The following FRMD4B variants were observed in gnomAD, a reference collection of about 807,000 sequenced individuals.
The protein encoded by FRMD4B is FERM domain containing 4B.
FRMD4B carries 74 observed loss-of-function variants against 141.5 expected under a neutral mutation model. The observed-to-expected ratio is 0.52, with a 90% CI of 0.43 to 0.63. The LOEUF (loss-of-function observed/expected upper bound fraction) is 0.63. FRMD4B is among the 30% of genes least tolerant of loss of function. The probability of loss-of-function intolerance (pLI) is 0.00; values close to 1 mark genes in which losing one functional copy is unlikely to be tolerated. For missense variants in FRMD4B, 1,366 were observed against 1,253.4 expected, an observed-to-expected ratio of 1.09 and a Z score of -1.36; for synonymous variants, 506 against 467.9, an observed-to-expected ratio of 1.08 and a Z score of -1.05.
chr3:69,514,388 G>GA (rs896253200), intron 1 of FRMD4B, among the ~76,000 whole-genome samples: 12 of 150,860 alleles, frequency 8.0e-5, no homozygotes, highest in South Asian at 2.1e-4. Flanking sequence ...AAACATTGCT[G>GA]AAAAAAAAAT....
At chr3:69,479,511 C>A (rs760130315) in intron 1 of FRMD4B, among the ~76,000 whole-genome samples, 2 of 152,118 alleles carry the variant, frequency 1.3e-5, no homozygotes, top group Admixed American at 1.3e-4. Flanking sequence ...AAATTCTTTT[C>A]TTTAATAATG....
At chr3:69,396,887 G>C (rs180685502) in intron 2 of FRMD4B, among the ~76,000 whole-genome samples, 1 of 152,128 alleles carries the variant, frequency 6.6e-6, no homozygotes, top group Non-Finnish European at 1.5e-5. Flanking sequence ...AAATGTTCAC[G>C]GTAGCATTAT....
At chr3:69,485,070 A>G (rs1344800878) in intron 1 of FRMD4B, among the ~76,000 whole-genome samples, 1 of 152,148 alleles carries the variant, frequency 6.6e-6, no homozygotes, top group Non-Finnish European at 1.5e-5. Flanking sequence ...CCTGCAGGCC[A>G]GCTCCCAGCT....
At chr3:69,245,106 C>A (rs967353755) in intron 7 of FRMD4B, among the ~76,000 whole-genome samples, 3 of 152,248 alleles carry the variant, frequency 2.0e-5, no homozygotes, top group African/African-American at 7.2e-5. Flanking sequence ...TTCATTTAAT[C>A]CTCACAGCAA....
chr3:69,443,447 G>C (rs1314221601), intron 1 of FRMD4B, among the ~76,000 whole-genome samples: 1 of 152,032 alleles, frequency 6.6e-6, no homozygotes, highest in Non-Finnish European at 1.5e-5. Context: ...GTGTTTCTCT[G>C]AGTTCTATGA....
At chr3:69,249,946 C>T in intron 6 of FRMD4B, 97 bp downstream of exon 6, 1 of 798,822 alleles carries the variant, frequency 1.3e-6, no homozygotes, top group Non-Finnish European at 2.2e-6. Context: ...AAAAATCCAA[C>T]AAACACTGGC....
chr3:69,244,007 T>C (rs2093406769), intron 7 of FRMD4B, among the ~76,000 whole-genome samples: 1 of 152,124 alleles, frequency 6.6e-6, no homozygotes, highest in Admixed American at 6.6e-5. Flanking sequence ...CTCACACCAC[T>C]GCACTCTAGC....
chr3:69,306,559 G>A (rs1449052388), intron 3 of FRMD4B: 1 of 152,206 alleles, frequency 6.6e-6, no homozygotes, highest in Non-Finnish European at 1.5e-5. Context: ...CCCTCTAGGG[G>A]TGAAAGACTA....
At chr3:69,301,457 T>G (rs1277637081) in intron 4 of FRMD4B, among the ~76,000 whole-genome samples, 1 of 152,186 alleles carries the variant, frequency 6.6e-6, no homozygotes, top group Admixed American at 6.5e-5. Flanking sequence ...CATGAGTAGC[T>G]GGCATTACAG....
chr3:69,335,822 AG>A (rs1224375222), intron 1 of FRMD4B, among the ~76,000 whole-genome samples: 2 of 150,168 alleles, frequency 1.3e-5, no homozygotes, highest in African/African-American at 2.5e-5. Flanking sequence ...TCCTAAGTTC[AG>A]GTGATTCTCC....
chr3:69,312,452 C>G (rs1386728612), intron 2 of FRMD4B, among the ~76,000 whole-genome samples: 1 of 152,222 alleles, frequency 6.6e-6, no homozygotes, highest in African/African-American at 2.4e-5. Flanking sequence ...GGGCTAGGGA[C>G]AGGCCTCAGA....
At chr3:69,331,464 A>C (rs6785719) in intron 1 of FRMD4B, among the ~76,000 whole-genome samples, 8,206 of 152,176 alleles carry the variant, frequency 0.054, 769 homozygotes, top group African/African-American at 0.19. Context: ...GCTGCTGTAA[A>C]ATGGAGATAA....
At chr3:69,439,737 C>T (rs1185582630) in intron 1 of FRMD4B, among the ~76,000 whole-genome samples, 1 of 152,184 alleles carries the variant, frequency 6.6e-6, no homozygotes, top group Admixed American at 6.5e-5. Context: ...CAATTCTTTG[C>T]CAAGTCTCAT....
intron 1 of FRMD4B, among the ~76,000 whole-genome samples, chr3:69,485,347 C>T (rs1455473140): frequency 6.6e-6 from 1 of 152,176 alleles, no homozygotes; most frequent in African/African-American, 2.4e-5. Context: ...TGCAGGGATG[C>T]CTGGATCTAC....
chr3:69,442,883 T>C (rs1382380965), intron 1 of FRMD4B, among the ~76,000 whole-genome samples: 1 of 152,162 alleles, frequency 6.6e-6, no homozygotes, highest in Admixed American at 6.5e-5. Flanking sequence ...AATGAGAAGG[T>C]GGGCCAGTGT....
At chr3:69,222,140 T>C (rs1335156002) in intron 8 of FRMD4B, among the ~76,000 whole-genome samples, 1 of 151,942 alleles carries the variant, frequency 6.6e-6, no homozygotes, top group Non-Finnish European at 1.5e-5. Flanking sequence ...ATGTTTTATG[T>C]AGCATATTTA....
At chr3:69,315,709 T>C (rs1182024833) in intron 1 of FRMD4B, among the ~76,000 whole-genome samples, 2 of 152,238 alleles carry the variant, frequency 1.3e-5, no homozygotes, top group African/African-American at 4.8e-5. Flanking sequence ...TACACGATAA[T>C]TGAATAAGAG....
At chr3:69,499,464 G>A (rs1287360411) in intron 1 of FRMD4B, among the ~76,000 whole-genome samples, 1 of 152,124 alleles carries the variant, frequency 6.6e-6, no homozygotes, top group Non-Finnish European at 1.5e-5. Context: ...CTTTTGCATG[G>A]GAGCTGATAG....
At chr3:69,442,177 A>G (rs1410051726) in intron 1 of FRMD4B, among the ~76,000 whole-genome samples, 4 of 150,932 alleles carry the variant, frequency 2.7e-5, no homozygotes, top group Non-Finnish European at 5.9e-5. Context: ...GAACTCCTGT[A>G]CTCAAGCAGT....
Sources: gnomAD v4.1 joint callset for allele counts (sites outside exome capture counted in the v4.1 genomes callset) on GRCh38, gnomAD v4.1.1 for gene constraint, MANE v1.5 for transcripts, NCBI Gene and HGNC (gene_info 2026-07-23, HGNC 2026-07-21) for gene names.